BCL9: variants seen among roughly 807,000 people sequenced by gnomAD.
BCL9 encodes B-cell CLL/lymphoma 9 protein.
A neutral mutation model predicts 88.5 loss-of-function variants in BCL9; 25 were observed. The ratio of observed to expected loss-of-function variants is 0.28; its 90% confidence interval spans 0.21 to 0.39. The LOEUF (loss-of-function observed/expected upper bound fraction) is 0.39. BCL9 is among the 10% of genes least tolerant of loss of function. The pLI, the probability that BCL9 is intolerant of heterozygous loss-of-function variation, is 1.00. For synonymous variants in BCL9, 711 were observed against 673.3 expected (o/e 1.06, Z -0.87); for missense variants, 1,817 against 1,877.8 (o/e 0.97, Z 0.60).
intron 8 of BCL9, 58 bp downstream of exon 8, chr1:147,621,115 T>TA: frequency 6.7e-7 from 1 of 1,493,208 alleles, no homozygotes; most frequent in East Asian, 2.3e-5. Context: ...CTAGACCTGA[T>TA]AGTTACTTTA....
chr1:147,555,913 T>TTTAA (rs782018179), intron 1 of BCL9, among the ~76,000 whole-genome samples: 43 of 152,362 alleles, frequency 2.8e-4, no homozygotes, highest in Non-Finnish European at 4.4e-4. Flanking sequence ...ATTTCATTAC[T>TTTAA]TTAAGTAAGC....
At chr1:147,557,051 C>G (rs1655148533) in intron 1 of BCL9, among the ~76,000 whole-genome samples, 1 of 152,098 alleles carries the variant, frequency 6.6e-6, no homozygotes, top group Non-Finnish European at 1.5e-5. Flanking sequence ...AGAAGTTGAG[C>G]AAGGGGGAGA....
At chr1:147,595,112 G>C (rs781859988) in intron 1 of BCL9, among the ~76,000 whole-genome samples, 24 of 152,328 alleles carry the variant, frequency 1.6e-4, no homozygotes, top group Admixed American at 7.2e-4. Context: ...ATACATAAAA[G>C]GATTACAAAG....
At position 147,619,631 on chromosome 1, in the gene BCL9, C is replaced by G; in HGVS notation, c.1476C>G (p.Val492=). 2 of 1,614,086 alleles carry G rather than the reference C, an allele frequency of 1.2e-6. No individual in the cohort carries two copies. Among genetic ancestry groups the G allele is most frequent in the African/African-American group, 1.3e-5 (1 of 75,012 alleles). Residue 492 remains valine (V), a synonymous_variant, in exon 8 of 10, where the codon GTC becomes GTG. Transcript: ENST00000234739. The surrounding 1 kb of genome is among the most constrained non-coding windows in gnomAD (Gnocchi z 4.1). ...GGAGGAAGCAGGAACAAGTGGTTGT[C>G]CAGCAGTGTTCCCTCCAGGACATGA... The part of the protein sequence containing the change: ...EKRRKQEQVV[V]QQCSLQDMMV...
intron 1 of BCL9, among the ~76,000 whole-genome samples, chr1:147,547,284 G>A (rs1654650690): frequency 6.6e-6 from 1 of 152,132 alleles, no homozygotes; most frequent in Non-Finnish European, 1.5e-5. Flanking sequence ...GAGACAGAGG[G>A]TAGAGAATGA....
rs1242856620 is a variant in BCL9, at chr1:147,620,958, T to A, written c.2803T>A (p.Ser935Thr). Residue 935 changes from serine (S) to threonine (T), a missense_variant, in exon 8 of 10, where the codon TCT (serine) becomes ACT (threonine). Physicochemically the swap from Ser to Thr is moderately conservative, Grantham distance 58. This residue lies in a region of BCL9 where 589 missense variants were observed against 686.2 expected (regional missense o/e 0.86). Transcript: ENST00000234739. ...TCCTGCCCCGTCACCTGGATGGACCTCTTCTCCAAAACCTCCCCTTCAGAG... is the reference window on the plus strand; with the variant it reads ...TCCTGCCCCGTCACCTGGATGGACCACTTCTCCAAAACCTCCCCTTCAGAG... Reference protein sequence around the residue: ...SLPAPSPGWTSSPKPPLQSPG... With the variant: ...SLPAPSPGWTTSPKPPLQSPG... 6.2e-7 allele frequency: 1 copy of A among 1,614,040 alleles called. No individual in the cohort carries two copies. The highest frequency in any genetic ancestry group is 1.3e-5 in the African/African-American group (1 of 74,910).
chr1:147,609,722 T>C (rs1553202392), intron 3 of BCL9, among the ~76,000 whole-genome samples: 2 of 152,200 alleles, frequency 1.3e-5, no homozygotes, highest in Non-Finnish European at 2.9e-5. Flanking sequence ...ATGTTTTGAG[T>C]TTCTTTGGAA....
intron 2 of BCL9, among the ~76,000 whole-genome samples, chr1:147,605,505 G>C (rs1441605690): frequency 8.5e-5 from 13 of 152,302 alleles, no homozygotes; most frequent in Admixed American, 7.8e-4. Flanking sequence ...CATTTTGAAT[G>C]CTTGAATTTT....
chr1:147,611,515 T>G, intron 3 of BCL9, 63 bp from the exon 4 acceptor site: 1 of 396,210 alleles, frequency 2.5e-6, no homozygotes, highest in Middle Eastern at 7.0e-4. Context: ...TTGATCCTGT[T>G]GTGAGGGTGT....
chr1:147,556,225 TCTC>T (rs1305155153), intron 1 of BCL9, among the ~76,000 whole-genome samples: 1 of 151,638 alleles, frequency 6.6e-6, no homozygotes, highest in Non-Finnish European at 1.5e-5. Context: ...TTCAAGCAAT[TCTC>T]CTGCCTCGGC....
intron 1 of BCL9, among the ~76,000 whole-genome samples, chr1:147,584,358 T>C (rs1158299932): frequency 6.6e-6 from 1 of 150,828 alleles, no homozygotes. Context: ...GATTCATTTT[T>C]ATATTTGCCT....
rs1483834987 is a variant in BCL9, at chr1:147,619,887, G to A, written c.1732G>A (p.Val578Ile). 4.0e-5 allele frequency: 64 copies of A among 1,614,092 alleles called. 1 individual carries two copies. Among genetic ancestry groups the A allele is most frequent in the Non-Finnish European group, 5.1e-5 (60 of 1,180,058 alleles). ...AAACTCTGAAATGGAAGGGCCGAAT[G>A]TCCCCAACCCTGCATCTAGACCAGG... The part of the protein sequence containing the change: ...MINSEMEGPN[V>I]PNPASRPGLS... The change falls in exon 8 of 10, where the codon GTC becomes ATC. Residue 578 changes from valine to isoleucine, a missense_variant. Physicochemically the swap from Val to Ile is conservative, Grantham distance 29. This residue lies in a region of BCL9 where 1,228 missense variants were observed against 1,191.6 expected (regional missense o/e 1.03). Transcript: ENST00000234739. This position sits in a 1 kb window ranked among gnomAD's most constrained non-coding sequence, Gnocchi z 4.1.
At chr1:147,609,006 T>G (rs114762074) in intron 3 of BCL9, among the ~76,000 whole-genome samples, 106 of 152,320 alleles carry the variant, frequency 7.0e-4, no homozygotes, top group Non-Finnish European at 1.4e-3. Context: ...CTCCTGGGGT[T>G]GTTGTGACTG....
intron 1 of BCL9, among the ~76,000 whole-genome samples, chr1:147,551,663 T>C (rs1271093600): frequency 6.6e-6 from 1 of 152,176 alleles, no homozygotes; most frequent in Admixed American, 6.5e-5. Flanking sequence ...GGGCTCCCGA[T>C]AAAAGGATGA....
At chr1:147,567,247 G>A (rs1380140924) in intron 1 of BCL9, among the ~76,000 whole-genome samples, 1 of 152,062 alleles carries the variant, frequency 6.6e-6, no homozygotes, top group Non-Finnish European at 1.5e-5. Flanking sequence ...TTTCTTGTAC[G>A]AGTGAATTCG....
intron 1 of BCL9, among the ~76,000 whole-genome samples, chr1:147,599,942 TG>T (rs1657270742): frequency 6.9e-6 from 1 of 145,708 alleles, no homozygotes; most frequent in Non-Finnish European, 1.5e-5. Flanking sequence ...GGCGGGCCCT[TG>T]CTGGTCGCGG....
At chr1:147,601,640 T>A (rs1657396423) in intron 1 of BCL9, among the ~76,000 whole-genome samples, 1 of 152,222 alleles carries the variant, frequency 6.6e-6, no homozygotes, top group African/African-American at 2.4e-5. Context: ...TGTTTTGTGT[T>A]TTCTACTGAA....
At position 147,620,298 on chromosome 1, in the gene BCL9, G is replaced by A. The variant is rs1553204979; in HGVS notation, c.2143G>A (p.Gly715Arg). 6.2e-7 allele frequency: 1 copy of A among 1,614,168 alleles called. No homozygotes were observed. The highest frequency in any genetic ancestry group is 8.5e-7 in the Non-Finnish European group (1 of 1,179,986). ...RELEFGMVPSGMKGDVNLNVN... is the reference protein window; with the variant it reads ...RELEFGMVPSRMKGDVNLNVN... The stretch of plus-strand genomic sequence containing the variant: ...ACTTGAGTTTGGGATGGTTCCTAGT[G>A]GGATGAAGGGAGATGTCAATCTAAA... Residue 715 changes from glycine to arginine, a missense_variant, in exon 8 of 10, where the codon GGG becomes AGG. By Grantham distance (125) the Gly-to-Arg change is moderately radical (BLOSUM62 -2). This residue lies in a region of BCL9 where 1,228 missense variants were observed against 1,191.6 expected (regional missense o/e 1.03). Coordinates refer to ENST00000234739, the MANE Select transcript of BCL9 (RefSeq NM_004326.4).
chr1:147,596,756 A>G (rs1269663080), intron 1 of BCL9, among the ~76,000 whole-genome samples: 1 of 152,132 alleles, frequency 6.6e-6, no homozygotes, highest in Non-Finnish European at 1.5e-5. Context: ...ATTCCATTCT[A>G]ACCCATCATT....
Sources: allele counts gnomAD v4.1 joint callset (sites outside exome capture counted in the v4.1 genomes callset), GRCh38; gene constraint gnomAD v4.1.1; regional missense constraint gnomAD v4.1.1; non-coding constraint Gnocchi (gnomAD v3.1); transcripts MANE v1.5; gene names NCBI Gene and HGNC (gene_info 2026-07-23, HGNC 2026-07-21).